MYO16: variants seen among roughly 807,000 people sequenced by gnomAD.
MYO16 encodes unconventional myosin-XVI.
Under a neutral mutation model 205.3 loss-of-function variants are expected in MYO16, and 94 were observed. The observed-to-expected ratio is 0.46, with a 90% CI of 0.39 to 0.54. MYO16 has a LOEUF of 0.54. Among genes scored for constraint, MYO16 ranks in the 20% least tolerant of loss-of-function variants. MYO16 has a pLI of 0.00. For synonymous variants in MYO16, 988 were observed against 954.0 expected, an observed-to-expected ratio of 1.04 and a Z score of -0.66; for missense variants, 2,315 against 2,387.5, an observed-to-expected ratio of 0.97 and a Z score of 0.63.
chr13:108,579,793 T>A, the MYO16 span, among the ~76,000 whole-genome samples: 2 of 152,132 alleles, frequency 1.3e-5, 1 homozygote, highest in East Asian at 3.8e-4. Flanking sequence ...TATCTCCAAA[T>A]TAAGATAATT....
chr13:108,745,808 A>G (rs1269789487), intron 4 of MYO16, among the ~76,000 whole-genome samples: 3 of 152,226 alleles, frequency 2.0e-5, no homozygotes, highest in African/African-American at 4.8e-5. Context: ...GACAACTTAC[A>G]AAAGAGATGG....
rs55693518 is a variant in MYO16 at position 109,157,115 on chromosome 13, C to T, written c.5165-7786C>T. On this transcript the variant is annotated intron_variant, in intron 32 of 34. Coordinates refer to ENST00000457511, the MANE Select transcript of MYO16 (RefSeq NM_001198950.3). ...AGTTCTCCCGCTCAGTGGGATTGAA[C>T]TCAGCTTCCTCCTGCCTTTCCACTC... Among the ~76,000 whole-genome samples, 4 of 151,912 alleles carry T rather than the reference C, an allele frequency of 2.6e-5. No homozygotes were observed. The South Asian group carries it at 8.3e-4, about 32-fold the overall frequency.
At chr13:108,875,332 T>A (rs1378857190) in intron 12 of MYO16, among the ~76,000 whole-genome samples, 7 of 152,104 alleles carry the variant, frequency 4.6e-5, no homozygotes, top group Non-Finnish European at 1.5e-5. Context: ...ATGAGAAGGG[T>A]AACCAATAAA....
At chr13:108,991,390 C>A (rs1884823789) in intron 20 of MYO16, among the ~76,000 whole-genome samples, 1 of 152,300 alleles carries the variant, frequency 6.6e-6, no homozygotes, top group Admixed American at 6.5e-5. Flanking sequence ...AGATTGATTT[C>A]TTTAAATTAT....
At chr13:109,049,719 A>ATAATTAT (rs141393962) in intron 24 of MYO16, among the ~76,000 whole-genome samples, 5,253 of 152,156 alleles carry the variant, frequency 0.035, 130 homozygotes, top group South Asian at 0.056. Context: ...ACTATAAATA[A>ATAATTAT]TTATTTAAGT....
chr13:108,985,267 A>G, intron 20 of MYO16, among the ~76,000 whole-genome samples: 1 of 152,166 alleles, frequency 6.6e-6, no homozygotes, highest in East Asian at 1.9e-4. Context: ...GCTTTTATTC[A>G]TGCTGTGTTT....
chr13:108,773,396 T>C (rs1886029284), intron 4 of MYO16, among the ~76,000 whole-genome samples: 1 of 152,144 alleles, frequency 6.6e-6, no homozygotes, highest in Non-Finnish European at 1.5e-5. Context: ...AAGTCTGAAA[T>C]CAAGATGTCA....
chr13:108,712,198 T>C (rs9555495), intron 2 of MYO16, among the ~76,000 whole-genome samples: 6,166 of 152,308 alleles, frequency 0.04, 181 homozygotes, highest in East Asian at 0.14. Flanking sequence ...GGTGGAAACA[T>C]TGCCAAGGGC....
rs186991829 is a variant in MYO16, at chr13:108,983,060, T to C, written c.2370-9316T>C. Among the ~76,000 whole-genome samples, 5 of 152,322 alleles carry C rather than the reference T, an allele frequency of 3.3e-5. No individual in the cohort carries two copies. In the East Asian group the frequency reaches 9.6e-4, roughly 29 times the overall value. ...CCCGACTGCCAGTAATATTTGAACA[T>C]TTTATTGATAATATGTGTGAGCTCT... is the stretch of plus-strand genomic sequence containing the variant. On this transcript the variant is annotated intron_variant, in intron 20 of 34. Transcript: ENST00000457511.
chr13:109,199,731 A>G (rs759573163), intron 34 of MYO16, among the ~76,000 whole-genome samples: 9 of 152,208 alleles, frequency 5.9e-5, no homozygotes, highest in Non-Finnish European at 1.2e-4. Context: ...CCAAAAAGAA[A>G]TGGTATCAAA....
chr13:109,040,385 C>CACAAAGAGAGAGAGAGAGAGAGAG, intron 23 of MYO16, among the ~76,000 whole-genome samples: 2 of 113,286 alleles, frequency 1.8e-5, no homozygotes, highest in Non-Finnish European at 3.5e-5. Context: ...CACACACACA[C>CACAAAGAGAGAGAGAGAGAGAGAG]AGAGAGAGAG....
the MYO16 span, among the ~76,000 whole-genome samples, chr13:108,582,921 A>G: frequency 3.3e-5 from 5 of 152,198 alleles, no homozygotes; most frequent in African/African-American, 1.2e-4. Context: ...CCCAAATTGG[A>G]GTTATGAATG....
chr13:108,497,777 A>T, the MYO16 span, among the ~76,000 whole-genome samples: 1 of 152,172 alleles, frequency 6.6e-6, no homozygotes, highest in African/African-American at 2.4e-5. Context: ...GCTTGAAGAT[A>T]CAAGCCCCAC....
At chr13:108,739,758 C>A (rs1451583888) in intron 4 of MYO16, among the ~76,000 whole-genome samples, 4 of 152,216 alleles carry the variant, frequency 2.6e-5, no homozygotes, top group Non-Finnish European at 5.9e-5. Context: ...TTCTCCCCAT[C>A]ACTTTCAGGT....
chr13:108,706,506 C>T (rs1359650126), intron 2 of MYO16, among the ~76,000 whole-genome samples: 1 of 152,204 alleles, frequency 6.6e-6, no homozygotes, highest in Non-Finnish European at 1.5e-5. Flanking sequence ...ATTCAAGAAG[C>T]ACTGCAAATC....
chr13:109,165,138 A>C lies in MYO16; in HGVS notation c.5323+79A>C, dbSNP rs1313659135. The C allele has an allele frequency of 1.1e-5, 12 of 1,138,626 alleles. No homozygotes were observed. The East Asian group carries it at 3.1e-4, about 29-fold the overall frequency. 70.5% of individuals were successfully genotyped at this position (1,138,626 alleles called of 1,614,324 possible). A position where few individuals can be genotyped will look rare whatever the true frequency, so the allele number is the denominator to read the frequency against. On this transcript the variant is annotated intron_variant, in intron 33 of 34. Coordinates refer to ENST00000457511, the MANE Select transcript of MYO16 (RefSeq NM_001198950.3). ...ACTTTCTGGGAGGAATGGATTTAAA[A>C]TATGAAAATGAAGTAGGGTTAAGAA...
chr13:108,799,248 G>A (rs1446444225), intron 6 of MYO16, among the ~76,000 whole-genome samples: 3 of 152,210 alleles, frequency 2.0e-5, no homozygotes, highest in Non-Finnish European at 4.4e-5. Context: ...CAAGTCAGGA[G>A]TTGTAGAAGT....
chr13:108,698,046 C>A (rs1345462453), intron 2 of MYO16, among the ~76,000 whole-genome samples: 2 of 152,156 alleles, frequency 1.3e-5, no homozygotes, highest in Non-Finnish European at 1.5e-5. Context: ...TCTCCCTCTG[C>A]CTTCATTCCT....
intron 23 of MYO16, among the ~76,000 whole-genome samples, chr13:109,033,452 C>T (rs9583334): frequency 0.069 from 10,492 of 152,188 alleles, 549 homozygotes; most frequent in African/African-American, 0.14. Flanking sequence ...TTTAGGAGTC[C>T]TAAACAGTGC....
Sources: allele counts gnomAD v4.1 joint callset (sites outside exome capture counted in the v4.1 genomes callset), GRCh38; gene constraint gnomAD v4.1.1; transcripts MANE v1.5; gene names NCBI Gene and HGNC (gene_info 2026-07-23, HGNC 2026-07-21).